The following MED13L variants were observed in gnomAD, a reference collection of about 807,000 sequenced individuals.
MED13L encodes the protein mediator complex subunit 13L, also known as mediator of RNA polymerase II transcription subunit 13-like.
MED13L carries 7 observed loss-of-function variants against 220.9 expected under a neutral mutation model. That is an observed-to-expected ratio of 0.03 (90% CI 0.02 to 0.06). MED13L has a LOEUF of 0.06. Ranked by LOEUF, MED13L falls within the 10% of genes least tolerant of loss-of-function variation. MED13L has a pLI of 1.00. For missense variants in MED13L, 1,965 were observed against 2,760.5 expected (o/e 0.71, Z 6.46); for synonymous variants, 1,011 against 1,015.2 (o/e 1.00, Z 0.08).
At chr12:116,172,443 T>C (rs1879748526) in intron 2 of MED13L, among the ~76,000 whole-genome samples, 1 of 152,200 alleles carries the variant, frequency 6.6e-6, no homozygotes, top group South Asian at 2.1e-4. Flanking sequence ...CTGAAAGGAC[T>C]GCCTCTTCCA....
Position 116,019,390 on chromosome 12 carries a change from A to C in MED13L, c.843T>G (p.Pro281=), listed in dbSNP as rs755081789. 1 of 1,614,028 alleles carries C rather than the reference A, an allele frequency of 6.2e-7. No homozygotes were observed. Among genetic ancestry groups the C allele is most frequent in the Non-Finnish European group, 8.5e-7 (1 of 1,179,928 alleles). ...VIVGGVRMVY[P]SAFVLISQND... is the part of the protein sequence containing the mutation. ...TCTGAGAGATCAAAACAAATGCTGA[A>C]GGGTAAACCATCCGAACACCACCTA... Residue 281 remains proline (P), a synonymous_variant, in exon 7 of 31, where the codon CCT becomes CCG. Transcript: ENST00000281928.
chr12:116,225,098 T>C (rs79086467), intron 2 of MED13L, among the ~76,000 whole-genome samples: 3,353 of 152,330 alleles, frequency 0.022, 38 homozygotes, highest in Middle Eastern at 0.044. Context: ...TGTGGGCAAC[T>C]GAGCTGAATC....
intron 2 of MED13L, among the ~76,000 whole-genome samples, chr12:116,222,012 G>A (rs1357090235): frequency 6.6e-6 from 1 of 152,130 alleles, no homozygotes; most frequent in Non-Finnish European, 1.5e-5. Context: ...TATTGACAAT[G>A]CTAGGTGGAA....
At chr12:116,103,015 G>A (rs939379630) in intron 3 of MED13L, among the ~76,000 whole-genome samples, 7 of 151,834 alleles carry the variant, frequency 4.6e-5, no homozygotes, top group East Asian at 1.9e-4. Context: ...CGCACCAGGC[G>A]ATCCCTATAT....
rs781353182 is a variant in MED13L, at chr12:115,991,890, C to T, written c.3064G>A (p.Val1022Met). 62 of 1,602,012 alleles carry T rather than the reference C, an allele frequency of 3.9e-5. No homozygotes were observed. The highest frequency in any genetic ancestry group is 3.7e-5 in the Non-Finnish European group (44 of 1,179,934). Residue 1022 changes from valine (V) to methionine (M), a missense_variant, in exon 17 of 31, where the codon GTG becomes ATG. Physicochemically the swap from Val to Met is conservative, Grantham distance 21 (BLOSUM62 1). Coordinates refer to ENST00000281928, the MANE Select transcript of MED13L (RefSeq NM_015335.5). The surrounding 1 kb of genome is among the most constrained non-coding windows in gnomAD (Gnocchi z 7.7). ...YLNTPQMNTP[V>M]TLNSAAPASN... ...GCTGGGGCAGCGCTGTTCAACGTCA[C>T]GGGTGTGTTCATCTGTGGTGTGTTC... is the stretch of plus-strand genomic sequence containing the variant.
intron 19 of MED13L, 96 bp downstream of exon 19, chr12:115,986,170 T>C (rs2137286020): frequency 1.5e-6 from 2 of 1,320,722 alleles, no homozygotes; most frequent in Non-Finnish European, 1.1e-6. Context: ...TTCTCTGAGA[T>C]TTACTTTCAA....
chr12:116,018,641 A>G (rs1291660991), intron 7 of MED13L, among the ~76,000 whole-genome samples: 1 of 152,198 alleles, frequency 6.6e-6, no homozygotes, highest in Non-Finnish European at 1.5e-5. Context: ...AATGTTCCCA[A>G]TTTAAACAAT....
At chr12:116,271,040 CAAAAAAAAAAAAAAAAA>C (rs58162276) in intron 1 of MED13L, among the ~76,000 whole-genome samples, 5 of 30,096 alleles carry the variant, frequency 1.7e-4, no homozygotes, top group African/African-American at 5.9e-4. Flanking sequence ...GACTCCGTCT[CAAAAAAAAAAAAAAAAA>C]AAAAAAAAAA....
intron 19 of MED13L, 96 bp from the exon 20 acceptor site, chr12:115,984,468 A>G (rs1470314222): frequency 2.9e-6 from 4 of 1,362,274 alleles, no homozygotes; most frequent in Admixed American, 3.9e-5. Context: ...TACATATGGA[A>G]GCATTTTCCT....
At chr12:116,012,656 T>A (rs755608218) in intron 9 of MED13L, 141 bp downstream of exon 9, 42 of 725,978 alleles carry the variant, frequency 5.8e-5, no homozygotes, top group African/African-American at 1.7e-5. Context: ...ATCATCTGCA[T>A]ATAAGAAAAA....
chr12:116,156,027 CT>C (rs1296684387), intron 2 of MED13L, among the ~76,000 whole-genome samples: 1 of 152,000 alleles, frequency 6.6e-6, no homozygotes, highest in African/African-American at 2.4e-5. Flanking sequence ...TGTGCAATTA[CT>C]TTCACGTTTC....
intron 2 of MED13L, among the ~76,000 whole-genome samples, chr12:116,229,203 T>A (rs1195860911): frequency 6.6e-6 from 1 of 152,214 alleles, no homozygotes; most frequent in African/African-American, 2.4e-5. Flanking sequence ...AACACTTATC[T>A]ACCAGTCACA....
intron 4 of MED13L, among the ~76,000 whole-genome samples, chr12:116,034,138 A>G (rs1881028121): frequency 6.6e-6 from 1 of 152,052 alleles, no homozygotes; most frequent in African/African-American, 2.4e-5. Context: ...AAATGCTCCT[A>G]CACATCTCTG....
intron 1 of MED13L, among the ~76,000 whole-genome samples, chr12:116,250,600 C>A (rs1871453602): frequency 7.4e-6 from 1 of 135,206 alleles, no homozygotes; most frequent in Non-Finnish European, 1.6e-5. Flanking sequence ...CCCGTCTCTA[C>A]TAAAAATACA....
At chr12:116,213,818 T>C (rs1882847102) in intron 2 of MED13L, among the ~76,000 whole-genome samples, 1 of 152,218 alleles carries the variant, frequency 6.6e-6, no homozygotes, top group Admixed American at 6.5e-5. Flanking sequence ...ATGGAATCCT[T>C]TTATTTCAAG....
chr12:116,036,306 C>T (rs553052854), intron 4 of MED13L, among the ~76,000 whole-genome samples: 24 of 152,220 alleles, frequency 1.6e-4, no homozygotes, highest in Middle Eastern at 3.4e-3. Flanking sequence ...TAATATGTGT[C>T]TAGCTATTTA....
intron 4 of MED13L, among the ~76,000 whole-genome samples, chr12:116,074,321 G>C (rs530416168): frequency 3.3e-5 from 5 of 152,322 alleles, no homozygotes; most frequent in African/African-American, 9.6e-5. Flanking sequence ...CTTGAACCCA[G>C]GAAGCAGAGG....
At chr12:116,066,185 A>C (rs1476620014) in intron 4 of MED13L, among the ~76,000 whole-genome samples, 1 of 152,244 alleles carries the variant, frequency 6.6e-6, no homozygotes, top group African/African-American at 2.4e-5. Context: ...GAGCAGCTAC[A>C]GTGAAAAGCA....
At chr12:116,153,161 A>G (rs1221640460) in intron 2 of MED13L, among the ~76,000 whole-genome samples, 1 of 152,180 alleles carries the variant, frequency 6.6e-6, no homozygotes, top group East Asian at 1.9e-4. Context: ...TATACAATAA[A>G]TGTTAGCTAT....
Sources: gnomAD v4.1 joint callset for allele counts (sites outside exome capture counted in the v4.1 genomes callset) on GRCh38, gnomAD v4.1.1 for gene constraint, Gnocchi (gnomAD v3.1) non-coding constraint, MANE v1.5 for transcripts, NCBI Gene and HGNC (gene_info 2026-07-23, HGNC 2026-07-21) for gene names.